Variants in CEP63 observed in about 807,000 individuals in gnomAD.
CEP63 encodes the protein centrosomal protein 63.
CEP63 carries 84 observed loss-of-function variants against 89.1 expected under a neutral mutation model. The observed-to-expected ratio is 0.94, with a 90% CI of 0.79 to 1.13. The LOEUF (loss-of-function observed/expected upper bound fraction) is 1.13, where lower values mean the gene tolerates loss of function less well. Ranked by LOEUF, CEP63 falls within the 50% of genes most tolerant of loss-of-function variation. The pLI, the probability that CEP63 is intolerant of heterozygous loss-of-function variation, is 0.00. For synonymous variants in CEP63, 267 were observed against 272.5 expected (o/e 0.98, Z 0.20); for missense variants, 838 against 813.3 (o/e 1.03, Z -0.37).
chr3:134,579,500 C>T (rs753124874), downstream of CEP63, among the ~76,000 whole-genome samples: 2 of 152,188 alleles, frequency 1.3e-5, no homozygotes, highest in East Asian at 1.9e-4. Flanking sequence ...GTACTGATAA[C>T]GCATTGTGGT....
intron 6 of CEP63, 144 bp from the exon 7 acceptor site, chr3:134,545,442 C>T (rs573004841): frequency 1.5e-6 from 1 of 649,198 alleles, no homozygotes; most frequent in African/African-American, 2.4e-5. Context: ...TCAATTCTTT[C>T]TTACCCCTTC....
intron 2 of CEP63, among the ~76,000 whole-genome samples, chr3:134,498,864 A>G (rs1941043991): frequency 1.3e-5 from 2 of 152,028 alleles, no homozygotes; most frequent in Admixed American, 1.3e-4. Context: ...TGATTTGTAT[A>G]TGTTGCATAC....
At chr3:134,614,003 A>G in the CEP63 span, among the ~76,000 whole-genome samples, 48 of 152,352 alleles carry the variant, frequency 3.2e-4, no homozygotes, top group Non-Finnish European at 6.3e-4. Flanking sequence ...ATGTAACAAC[A>G]TAAAAAAATA....
chr3:134,549,278 G>GT, intron 10 of CEP63, 102 bp downstream of exon 10: 1 of 745,662 alleles, frequency 1.3e-6, no homozygotes. Context: ...AAAAAATGTA[G>GT]TTCAAGGGAC....
the CEP63 span, among the ~76,000 whole-genome samples, chr3:134,701,265 T>C: frequency 1.6e-5 from 1 of 61,044 alleles, no homozygotes; most frequent in African/African-American, 1.4e-4. Flanking sequence ...TACACATATA[T>C]ACATATACAC....
chr3:134,624,673 C>T, the CEP63 span, among the ~76,000 whole-genome samples: 20 of 152,194 alleles, frequency 1.3e-4, no homozygotes, highest in African/African-American at 4.1e-4. Flanking sequence ...TCTGCATCCA[C>T]GGTCCTCCCA....
chr3:134,505,923 A>G (rs1443634105), intron 2 of CEP63, among the ~76,000 whole-genome samples: 1 of 152,188 alleles, frequency 6.6e-6, no homozygotes, highest in Admixed American at 6.5e-5. Flanking sequence ...TGGGTACAGA[A>G]GCAAAAGTGT....
chr3:134,770,105 GT>G, the CEP63 span, among the ~76,000 whole-genome samples: 4 of 152,244 alleles, frequency 2.6e-5, no homozygotes, highest in Non-Finnish European at 2.9e-5. Context: ...CTTTGTCTTT[GT>G]GGTCCAAATG....
At chr3:134,686,581 C>T in the CEP63 span, among the ~76,000 whole-genome samples, 1 of 151,732 alleles carries the variant, frequency 6.6e-6, no homozygotes, top group Non-Finnish European at 1.5e-5. Context: ...CTCCACTGTC[C>T]ACAGCGGACA....
chr3:134,755,100 G>T, the CEP63 span, among the ~76,000 whole-genome samples: 1 of 152,198 alleles, frequency 6.6e-6, no homozygotes, highest in Non-Finnish European at 1.5e-5. Context: ...TGACTTCAGA[G>T]GAAGGGTGCT....
At chr3:134,650,712 G>A in the CEP63 span, 1 of 996,306 alleles carries the variant, frequency 1.0e-6, no homozygotes, top group Non-Finnish European at 1.4e-6. Context: ...GGAGAGGGTC[G>A]GGTTCGCTGA....
the CEP63 span, among the ~76,000 whole-genome samples, chr3:134,770,015 G>A: frequency 1.3e-5 from 2 of 152,208 alleles, no homozygotes; most frequent in Middle Eastern, 6.3e-3. Context: ...TTGGTGTGCA[G>A]CACTGGCACA....
At chr3:134,690,587 T>G in the CEP63 span, among the ~76,000 whole-genome samples, 1 of 152,164 alleles carries the variant, frequency 6.6e-6, no homozygotes, top group Non-Finnish European at 1.5e-5. Context: ...AACTCTCCAC[T>G]CTATATCCTT....
At chr3:134,643,678 TC>T in the CEP63 span, among the ~76,000 whole-genome samples, 1 of 152,180 alleles carries the variant, frequency 6.6e-6, no homozygotes, top group African/African-American at 2.4e-5. Context: ...TAGCCATAAC[TC>T]CCAACTTTGG....
At chr3:134,769,713 C>T in the CEP63 span, among the ~76,000 whole-genome samples, 1 of 152,228 alleles carries the variant, frequency 6.6e-6, no homozygotes, top group Non-Finnish European at 1.5e-5. Context: ...CCCCAGGAAG[C>T]TGTATGCACT....
intron 11 of CEP63, among the ~76,000 whole-genome samples, chr3:134,573,068 G>T (rs1958079811): frequency 6.6e-6 from 1 of 152,156 alleles, no homozygotes; most frequent in Non-Finnish European, 1.5e-5. Flanking sequence ...CTTTTGAGAA[G>T]TGTCTGTTCA....
chr3:134,738,025 G>T, the CEP63 span, among the ~76,000 whole-genome samples: 3 of 152,136 alleles, frequency 2.0e-5, no homozygotes, highest in Admixed American at 2.0e-4. Context: ...GAGCAAGAAT[G>T]CTGGGAAGTG....
rs1295680838 is a variant in CEP63, at chr3:134,526,998, T to A, written c.223-4847T>A. 2.0e-5 allele frequency among the ~76,000 whole-genome samples: 3 copies of A among 152,190 alleles called. No individual in the cohort carries two copies. In the East Asian group the frequency reaches 5.8e-4, roughly 29 times the overall value. ...CCACTGCATTGGGGGGTCAGAGTGC[T>A]CCCAGACCACTAGTCACTACACCAC... On this transcript the variant is annotated intron_variant, in intron 3 of 14. Coordinates refer to ENST00000675561, the MANE Select transcript of CEP63 (RefSeq NM_001353108.3).
the CEP63 span, among the ~76,000 whole-genome samples, chr3:134,753,392 T>C: frequency 2.0e-5 from 3 of 152,188 alleles, no homozygotes; most frequent in Non-Finnish European, 2.9e-5. Flanking sequence ...GCAAGCACTA[T>C]ATGGGCCGAA....
Sources: gnomAD v4.1 joint callset for allele counts (sites outside exome capture counted in the v4.1 genomes callset) on GRCh38, gnomAD v4.1.1 for gene constraint, MANE v1.5 for transcripts, NCBI Gene and HGNC (gene_info 2026-07-23, HGNC 2026-07-21) for gene names.